The following CSMD1 variants were observed in gnomAD, a reference collection of about 807,000 sequenced individuals.
CSMD1 encodes the protein CUB and sushi domain-containing protein 1.
Under a neutral mutation model 417.5 loss-of-function variants are expected in CSMD1, and 213 were observed. That is an observed-to-expected ratio of 0.51 (90% CI 0.46 to 0.57). The LOEUF is 0.57. CSMD1 is among the 20% of genes least tolerant of loss of function. The probability of loss-of-function intolerance (pLI) is 0.00; values close to 1 mark genes in which losing one functional copy is unlikely to be tolerated. For missense variants in CSMD1, 6,923 were observed against 4,529.7 expected (o/e 1.53, Z -15.17); for synonymous variants, 2,862 against 1,736.8 (o/e 1.65, Z -16.11).
chr8:4,843,118 C>T (rs576392597), intron 1 of CSMD1, among the ~76,000 whole-genome samples: 1 of 152,190 alleles, frequency 6.6e-6, no homozygotes, highest in South Asian at 2.1e-4. Flanking sequence ...AATTGAGAGT[C>T]GAGGAAATGA....
At chr8:3,867,118 T>C (rs1291282107) in intron 5 of CSMD1, among the ~76,000 whole-genome samples, 1 of 152,256 alleles carries the variant, frequency 6.6e-6, no homozygotes, top group African/African-American at 2.4e-5. Flanking sequence ...TGATTTTTTT[T>C]CTACTATACT....
At chr8:3,966,078 C>T (rs1269282760) in intron 5 of CSMD1, among the ~76,000 whole-genome samples, 1 of 152,060 alleles carries the variant, frequency 6.6e-6, no homozygotes, top group Non-Finnish European at 1.5e-5. Flanking sequence ...AACGAATGTC[C>T]AGGAGTAGGG....
intron 26 of CSMD1, among the ~76,000 whole-genome samples, chr8:3,242,890 G>A (rs547944461): frequency 7.4e-4 from 112 of 152,106 alleles, no homozygotes; most frequent in African/African-American, 2.4e-3. Context: ...AGAGGTTGGG[G>A]CGTGGAAATA....
In CSMD1 at chr8:3,998,126, C is replaced by A. The variant is rs374804495; in HGVS notation, c.611-16G>T. On this transcript the variant is annotated splice_polypyrimidine_tract_variant and intron_variant, in intron 4 of 69. Coordinates refer to ENST00000635120, the MANE Select transcript of CSMD1 (RefSeq NM_033225.6). ...GCTCCCTCAGCTGCAGGGGCAAAAGCAGAAAGAAAGCATCACATTTCAGGA... is the reference window on the plus strand; with the variant it reads ...GCTCCCTCAGCTGCAGGGGCAAAAGAAGAAAGAAAGCATCACATTTCAGGA... 6.5e-7 allele frequency: 1 copy of A among 1,547,356 alleles called. No homozygotes were observed. The highest frequency in any genetic ancestry group is 1.2e-5 in the South Asian group (1 of 84,132).
chr8:4,126,831 G>C (rs1802791707), intron 3 of CSMD1, among the ~76,000 whole-genome samples: 1 of 152,126 alleles, frequency 6.6e-6, no homozygotes, highest in South Asian at 2.1e-4. Flanking sequence ...AGATGTCCAG[G>C]ACAAGTAAAG....
At chr8:4,917,365 C>A (rs117773530) in intron 1 of CSMD1, among the ~76,000 whole-genome samples, 1 of 152,120 alleles carries the variant, frequency 6.6e-6, no homozygotes. Context: ...CAGGGTGCGG[C>A]GGCTCACGCC....
intron 3 of CSMD1, among the ~76,000 whole-genome samples, chr8:4,145,832 A>G (rs1321096009): frequency 6.6e-6 from 1 of 151,224 alleles, no homozygotes; most frequent in African/African-American, 2.5e-5. Context: ...AATGGCTTCC[A>G]GGAAGCAGAG....
chr8:4,951,906 T>C (rs1247051273), intron 1 of CSMD1, among the ~76,000 whole-genome samples: 2 of 151,708 alleles, frequency 1.3e-5, no homozygotes, highest in Non-Finnish European at 2.9e-5. Flanking sequence ...GACATTTTAT[T>C]TATATATTTA....
intron 3 of CSMD1, among the ~76,000 whole-genome samples, chr8:4,357,432 T>G (rs62479475): frequency 1.3e-3 from 203 of 152,146 alleles, no homozygotes; most frequent in Non-Finnish European, 2.2e-3. Context: ...TATTAAGAGT[T>G]TATATTTTAT....
At chr8:3,153,034 A>G (rs1184194652) in intron 39 of CSMD1, among the ~76,000 whole-genome samples, 1 of 152,234 alleles carries the variant, frequency 6.6e-6, no homozygotes, top group African/African-American at 2.4e-5. Context: ...GCATTCCCAG[A>G]TGGTGAAGGC....
intron 2 of CSMD1, among the ~76,000 whole-genome samples, chr8:4,447,861 T>A (rs1798905287): frequency 6.6e-6 from 1 of 152,216 alleles, no homozygotes; most frequent in South Asian, 2.1e-4. Context: ...AAAGTGTAAG[T>A]AGAGGAGGCT....
chr8:3,338,513 G>A (rs1449324706), intron 23 of CSMD1, among the ~76,000 whole-genome samples: 1 of 152,228 alleles, frequency 6.6e-6, no homozygotes, highest in South Asian at 2.1e-4. Context: ...TGAGAAATCT[G>A]GTTGTGGGGC....
intron 5 of CSMD1, among the ~76,000 whole-genome samples, chr8:3,910,136 C>G (rs1407436163): frequency 6.6e-6 from 1 of 152,090 alleles, no homozygotes; most frequent in African/African-American, 2.4e-5. Context: ...AGTGTGTGAG[C>G]TTTTCTTACA....
intron 8 of CSMD1, among the ~76,000 whole-genome samples, chr8:3,590,410 C>G (rs2469369): frequency 0.37 from 56,833 of 152,022 alleles, 11,407 homozygotes; most frequent in Middle Eastern, 0.45. Flanking sequence ...AGGACCTGAA[C>G]TCGGCTCTTA....
At chr8:3,386,813 T>G (rs1331765986) in intron 18 of CSMD1, among the ~76,000 whole-genome samples, 4 of 152,178 alleles carry the variant, frequency 2.6e-5, no homozygotes, top group Admixed American at 6.5e-5. Context: ...GTTATATTCA[T>G]GGTCAAGGGC....
chr8:3,745,934 G>T (rs1030221986), intron 6 of CSMD1, among the ~76,000 whole-genome samples: 5 of 152,188 alleles, frequency 3.3e-5, no homozygotes, highest in African/African-American at 1.2e-4. Flanking sequence ...AGCAGGCCGG[G>T]GGGAAAGGCC....
At chr8:4,076,493 A>ACT (rs1799828739) in intron 3 of CSMD1, among the ~76,000 whole-genome samples, 1 of 152,236 alleles carries the variant, frequency 6.6e-6, no homozygotes. Flanking sequence ...TGAATTCATT[A>ACT]CTAGAAATGT....
intron 3 of CSMD1, among the ~76,000 whole-genome samples, chr8:4,318,970 C>G (rs929464047): frequency 6.6e-6 from 1 of 152,070 alleles, no homozygotes; most frequent in Non-Finnish European, 1.5e-5. Flanking sequence ...ACAATAATGA[C>G]AATCTATCAT....
In CSMD1 at chr8:4,069,713, C is replaced by T. The variant is rs79880040; in HGVS notation, c.416-37614G>A. ...ATGTTATACTTCCCTTTCTTTCTCC[C>T]ACTAAACTCTAGGCACCTTGAGTTT... On this transcript the variant is annotated intron_variant, in intron 3 of 69. Coordinates refer to ENST00000635120, the MANE Select transcript of CSMD1 (RefSeq NM_033225.6). 4.7e-3 allele frequency among the ~76,000 whole-genome samples: 708 copies of T among 152,224 alleles called. 4 individuals are homozygous for T. Among genetic ancestry groups the T allele is most frequent in the African/African-American group, 0.015 (635 of 41,550 alleles).
Sources: allele counts gnomAD v4.1 joint callset (sites outside exome capture counted in the v4.1 genomes callset), GRCh38; gene constraint gnomAD v4.1.1; transcripts MANE v1.5; gene names NCBI Gene and HGNC (gene_info 2026-07-23, HGNC 2026-07-21).